OSBP2: variants seen among roughly 807,000 people sequenced by gnomAD.
OSBP2 encodes oxysterol binding protein 2.
OSBP2 carries 66 observed loss-of-function variants against 96.0 expected under a neutral mutation model. The observed-to-expected ratio is 0.69, with a 90% CI of 0.56 to 0.84. The LOEUF is 0.84. Ranked by LOEUF, OSBP2 falls within the 40% of genes least tolerant of loss-of-function variation. The probability of loss-of-function intolerance (pLI) is 0.00; values close to 1 mark genes in which losing one functional copy is unlikely to be tolerated. For missense variants in OSBP2, 1,038 were observed against 1,222.7 expected (o/e 0.85, Z 2.25); for synonymous variants, 525 against 520.9 (o/e 1.01, Z -0.11).
At chr22:30,766,803 G>A (rs1345075139) in intron 2 of OSBP2, among the ~76,000 whole-genome samples, 1 of 152,114 alleles carries the variant, frequency 6.6e-6, no homozygotes, top group Non-Finnish European at 1.5e-5. Context: ...TTGGTTTTGG[G>A]AGAGAGAAAA....
At chr22:30,753,610 A>T (rs1167602045) in intron 2 of OSBP2, among the ~76,000 whole-genome samples, 1 of 152,200 alleles carries the variant, frequency 6.6e-6, no homozygotes, top group Non-Finnish European at 1.5e-5. Context: ...GCCAGAGTGT[A>T]GAAGTCACCT....
intron 2 of OSBP2, among the ~76,000 whole-genome samples, chr22:30,777,544 T>C (rs576724788): frequency 2.0e-5 from 3 of 152,222 alleles, no homozygotes; most frequent in Non-Finnish European, 2.9e-5. Context: ...GTCTTGGATA[T>C]GTCTTTATCA....
At chr22:30,803,407 GACA>G (rs1290583565) in intron 2 of OSBP2, among the ~76,000 whole-genome samples, 1 of 152,254 alleles carries the variant, frequency 6.6e-6, no homozygotes, top group Non-Finnish European at 1.5e-5. Context: ...CCAGAAGCCA[GACA>G]GTCACAAGGC....
intron 1 of OSBP2, among the ~76,000 whole-genome samples, chr22:30,710,455 A>T (rs1050059629): frequency 6.6e-6 from 1 of 152,148 alleles, no homozygotes; most frequent in South Asian, 2.1e-4. Flanking sequence ...AAAGATGCTC[A>T]TGTTGTCCGG....
intron 2 of OSBP2, among the ~76,000 whole-genome samples, chr22:30,757,029 C>G (rs560213378): frequency 6.7e-6 from 1 of 150,342 alleles, no homozygotes; most frequent in African/African-American, 2.5e-5. Context: ...CGCAGGGTAT[C>G]TGCTGTGCGT....
At position 30,894,012 on chromosome 22, in the gene OSBP2, C is replaced by G; in HGVS notation, c.2375+11C>G. The G allele has an allele frequency of 1.3e-6, 2 of 1,579,706 alleles. No individual in the cohort carries two copies. The highest frequency in any genetic ancestry group is 1.7e-6 in the Non-Finnish European group (2 of 1,163,976). ...GAAGTACCCGCTGCCGTGAGTAGGG[C>G]TGGCAGGGGCCCCGCCACAGGCAAA... On this transcript the variant is annotated intron_variant, in intron 12 of 13. Coordinates refer to ENST00000332585, the MANE Select transcript of OSBP2 (RefSeq NM_030758.4).
chr22:30,696,537 T>A (rs753783432), intron 1 of OSBP2, among the ~76,000 whole-genome samples: 1 of 152,210 alleles, frequency 6.6e-6, no homozygotes, highest in South Asian at 2.1e-4. Context: ...TGAGAAGCAC[T>A]GTTTCATTGC....
intron 9 of OSBP2, 46 bp downstream of exon 9, chr22:30,893,288 A>C: frequency 6.2e-7 from 1 of 1,612,908 alleles, no homozygotes; most frequent in East Asian, 2.2e-5. Context: ...GACATTGTGC[A>C]TAAGAGGGAG....
intron 2 of OSBP2, among the ~76,000 whole-genome samples, chr22:30,846,261 C>T (rs929458852): frequency 1.6e-4 from 25 of 152,098 alleles, no homozygotes; most frequent in Non-Finnish European, 2.9e-4. Context: ...ATTCTCCTGT[C>T]TCAGCCTTTC....
intron 3 of OSBP2, among the ~76,000 whole-genome samples, chr22:30,879,120 G>A (rs547094180): frequency 4.7e-4 from 72 of 152,324 alleles, no homozygotes; most frequent in African/African-American, 1.6e-3. Context: ...GGCCCCTCTT[G>A]GCTCACGGCC....
chr22:30,905,670 C>T (rs948267289), intron 12 of OSBP2, among the ~76,000 whole-genome samples, 167 bp from the exon 13 acceptor site: 24 of 152,174 alleles, frequency 1.6e-4, no homozygotes, highest in African/African-American at 5.1e-4. Flanking sequence ...TGGGTTCCGC[C>T]GGGTGGGCTC....
At chr22:30,880,776 GTCC>G (rs2039687300) in intron 3 of OSBP2, among the ~76,000 whole-genome samples, 1 of 152,214 alleles carries the variant, frequency 6.6e-6, no homozygotes, top group Non-Finnish European at 1.5e-5. Context: ...ATTAGAGTTT[GTCC>G]TCCTCTTCCT....
chr22:30,902,661 C>G, intron 12 of OSBP2: 3 of 585,990 alleles, frequency 5.1e-6, no homozygotes, highest in Non-Finnish European at 9.6e-6. Flanking sequence ...GCACAAAGAC[C>G]ACGACTCCAG....
chr22:30,835,569 A>G (rs1454565016), intron 2 of OSBP2, among the ~76,000 whole-genome samples: 1 of 152,124 alleles, frequency 6.6e-6, no homozygotes, highest in Non-Finnish European at 1.5e-5. Flanking sequence ...GTTTTTATAG[A>G]TAGGACCTTT....
Position 30,881,118 on chromosome 22 carries a change from C to T in OSBP2, c.1108-6308C>T, listed in dbSNP as rs77326159. ...TCCCCATGGAGACAGGACCACACTG[C>T]CCAGGGGCTCTGCACCCCAGGCCGG... On this transcript the variant is annotated intron_variant, in intron 3 of 13. Coordinates refer to ENST00000332585, the MANE Select transcript of OSBP2 (RefSeq NM_030758.4). This position sits in a 1 kb window ranked among gnomAD's most constrained non-coding sequence, Gnocchi z 4.5. Among the ~76,000 whole-genome samples the T allele has an allele frequency of 0.026, 4,006 of 152,264 alleles. 168 individuals are homozygous for T. Among genetic ancestry groups the T allele is most frequent in the African/African-American group, 0.089 (3,713 of 41,538 alleles).
rs1341521695 is a variant in OSBP2, at chr22:30,870,273, C to T, written c.854-156C>T. On this transcript the variant is annotated intron_variant, in intron 2 of 13. Transcript: ENST00000332585. The surrounding 1 kb of genome is among the most constrained non-coding windows in gnomAD (Gnocchi z 4.1). ...GAAGGCTGGGCCAGGATGGGGCAGG[C>T]ACCTCACCCCGGCCAGGAACAGGAA... Among the ~76,000 whole-genome samples, 1 of 152,146 alleles carries T rather than the reference C, an allele frequency of 6.6e-6. No individual in the cohort carries two copies. The highest frequency in any genetic ancestry group is 1.5e-5 in the Non-Finnish European group (1 of 68,020).
intron 2 of OSBP2, among the ~76,000 whole-genome samples, chr22:30,865,918 G>T (rs2147098756): frequency 6.6e-6 from 1 of 152,312 alleles, no homozygotes; most frequent in East Asian, 1.9e-4. Context: ...GCCTGGTCAG[G>T]AAGGCAAATG....
intron 2 of OSBP2, among the ~76,000 whole-genome samples, chr22:30,799,493 C>T (rs1010364953): frequency 2.6e-5 from 4 of 152,202 alleles, no homozygotes; most frequent in African/African-American, 9.6e-5. Context: ...GTAGTTAATT[C>T]AATGCCTTCT....
At chr22:30,760,244 C>T (rs891185984) in intron 2 of OSBP2, among the ~76,000 whole-genome samples, 1 of 150,608 alleles carries the variant, frequency 6.6e-6, no homozygotes, top group African/African-American at 2.4e-5. Context: ...GTGATCTGCT[C>T]GCCTTGGCCT....
Sources: allele counts gnomAD v4.1 joint callset (sites outside exome capture counted in the v4.1 genomes callset), GRCh38; gene constraint gnomAD v4.1.1; non-coding constraint Gnocchi (gnomAD v3.1); transcripts MANE v1.5; gene names NCBI Gene and HGNC (gene_info 2026-07-23, HGNC 2026-07-21).